POFUT3: variants seen among roughly 807,000 people sequenced by gnomAD.
POFUT3 encodes protein O-fucosyltransferase 3, also known as GDP-fucose protein O-fucosyltransferase 3.
the POFUT3 span, chr8:33,389,489 C>G: frequency 6.2e-7 from 1 of 1,614,202 alleles, no homozygotes; most frequent in Non-Finnish European, 8.5e-7. Flanking sequence ...GCGAACATAG[C>G]TGTCCCTGTC....
At chr8:33,379,270 T>C in the POFUT3 span, among the ~76,000 whole-genome samples, 2 of 151,762 alleles carry the variant, frequency 1.3e-5, no homozygotes, top group African/African-American at 2.4e-5. Flanking sequence ...AATGGAGTAA[T>C]ACACATCCCT....
the POFUT3 span, among the ~76,000 whole-genome samples, chr8:33,439,507 A>C: frequency 6.6e-6 from 1 of 152,138 alleles, no homozygotes; most frequent in Admixed American, 6.6e-5. Context: ...GAATCAAACA[A>C]AATAAAAATC....
chr8:33,463,202 T>A, the POFUT3 span, among the ~76,000 whole-genome samples: 7 of 152,188 alleles, frequency 4.6e-5, no homozygotes, highest in South Asian at 1.5e-3. Flanking sequence ...TTAAAAACTT[T>A]AGTCTTAAAG....
At chr8:33,310,053 G>T in the POFUT3 span, among the ~76,000 whole-genome samples, 1 of 152,194 alleles carries the variant, frequency 6.6e-6, no homozygotes, top group Non-Finnish European at 1.5e-5. Context: ...AGTATTTTCT[G>T]AAATGTAGCA....
chr8:33,449,377 C>T, the POFUT3 span, among the ~76,000 whole-genome samples: 1 of 147,418 alleles, frequency 6.8e-6, no homozygotes, highest in African/African-American at 2.5e-5. Flanking sequence ...GCAACTTTCT[C>T]CTCCCAGGTT....
chr8:33,453,183 C>T, the POFUT3 span: 2 of 1,601,664 alleles, frequency 1.2e-6, no homozygotes, highest in Non-Finnish European at 1.7e-6. Context: ...AAGACCACAG[C>T]AAACAAGGGA....
the POFUT3 span, among the ~76,000 whole-genome samples, chr8:33,342,468 A>T: frequency 1.2e-4 from 15 of 127,432 alleles, no homozygotes; most frequent in African/African-American, 5.5e-4. Context: ...ACTTAACAGT[A>T]AAAAAAAAAA....
the POFUT3 span, among the ~76,000 whole-genome samples, chr8:33,323,390 TTTC>T: frequency 6.6e-6 from 1 of 152,172 alleles, no homozygotes; most frequent in African/African-American, 2.4e-5. Flanking sequence ...ATGAAGCTTT[TTTC>T]TTCTTCTGAG....
At chr8:33,323,439 A>G in the POFUT3 span, among the ~76,000 whole-genome samples, 1 of 152,174 alleles carries the variant, frequency 6.6e-6, no homozygotes, top group South Asian at 2.1e-4. Context: ...CACAAAGGGT[A>G]ATGAAGTCTG....
chr8:33,321,904 A>G, the POFUT3 span, among the ~76,000 whole-genome samples: 2 of 152,066 alleles, frequency 1.3e-5, no homozygotes, highest in Non-Finnish European at 2.9e-5. Context: ...CACCCATATC[A>G]CAGCAACTGT....
the POFUT3 span, among the ~76,000 whole-genome samples, chr8:33,348,246 T>C: frequency 1.3e-5 from 2 of 150,734 alleles, no homozygotes; most frequent in African/African-American, 2.4e-5. Context: ...GTCCAGAACA[T>C]TGGAGACAAG....
At chr8:33,454,674 CTTTT>C in the POFUT3 span, among the ~76,000 whole-genome samples, 2 of 141,156 alleles carry the variant, frequency 1.4e-5, no homozygotes, top group Non-Finnish European at 3.1e-5. Context: ...AGTTTTGCCT[CTTTT>C]TTTTTTTTTT....
At chr8:33,377,413 T>G in the POFUT3 span, 1 of 152,164 alleles carries the variant, frequency 6.6e-6, no homozygotes, top group East Asian at 1.9e-4. Context: ...CTCATGATAC[T>G]CGAGTCACCA....
At chr8:33,331,266 G>A in the POFUT3 span, among the ~76,000 whole-genome samples, 745 of 151,882 alleles carry the variant, frequency 4.9e-3, 8 homozygotes, top group African/African-American at 0.017. Context: ...CCCAGGAGGC[G>A]GAGGTTGTAG....
At chr8:33,334,678 C>T in the POFUT3 span, among the ~76,000 whole-genome samples, 11 of 152,116 alleles carry the variant, frequency 7.2e-5, no homozygotes, top group Admixed American at 3.3e-4. Flanking sequence ...AGAAGATCTC[C>T]GGGCTTTCTG....
At chr8:33,440,172 G>T in the POFUT3 span, among the ~76,000 whole-genome samples, 1 of 152,054 alleles carries the variant, frequency 6.6e-6, no homozygotes, top group African/African-American at 2.4e-5. Flanking sequence ...AAACCAGCCT[G>T]GGTAACATAT....
At chr8:33,441,618 C>G in the POFUT3 span, among the ~76,000 whole-genome samples, 6 of 151,938 alleles carry the variant, frequency 3.9e-5, no homozygotes, top group Non-Finnish European at 5.9e-5. Context: ...AGAGCTCAAC[C>G]GATCTGCCCT....
chr8:33,338,864 T>A, the POFUT3 span: 2 of 152,286 alleles, frequency 1.3e-5, no homozygotes, highest in East Asian at 1.9e-4. Flanking sequence ...CCATATCTTA[T>A]TCTTGCTTCA....
chr8:33,308,615 C>T, the POFUT3 span, among the ~76,000 whole-genome samples: 1 of 152,194 alleles, frequency 6.6e-6, no homozygotes, highest in Non-Finnish European at 1.5e-5. Context: ...AGTCCCAGAA[C>T]AGGTTGTGTG....
Sources: allele counts gnomAD v4.1 joint callset (sites outside exome capture counted in the v4.1 genomes callset), GRCh38; gene constraint gnomAD v4.1.1; transcripts MANE v1.5; gene names NCBI Gene and HGNC (gene_info 2026-07-23, HGNC 2026-07-21).